The following DDAH1 variants were observed in gnomAD, a reference collection of about 807,000 sequenced individuals.
DDAH1 encodes N(G),N(G)-dimethylarginine dimethylaminohydrolase 1.
DDAH1 carries 19 observed loss-of-function variants against 28.8 expected under a neutral mutation model. That is an observed-to-expected ratio of 0.66 (90% CI 0.46 to 0.97). The LOEUF (loss-of-function observed/expected upper bound fraction) is 0.97. Among genes scored for constraint, DDAH1 ranks in the 50% least tolerant of loss-of-function variants. DDAH1 has a pLI of 0.00. For missense variants in DDAH1, 326 were observed against 375.9 expected, an observed-to-expected ratio of 0.87 and a Z score of 1.10; for synonymous variants, 153 against 154.4, an observed-to-expected ratio of 0.99 and a Z score of 0.07.
At chr1:85,346,968 C>CACTT (rs1258549171) in intron 4 of DDAH1, among the ~76,000 whole-genome samples, 7 of 152,238 alleles carry the variant, frequency 4.6e-5, no homozygotes, top group Admixed American at 1.3e-4. Context: ...TATGAACAGA[C>CACTT]ACTTCTCAAA....
At chr1:85,495,827 T>A (rs1656567941) in intron 2 of DDAH1, 1 of 152,228 alleles carries the variant, frequency 6.6e-6, no homozygotes, top group Non-Finnish European at 1.5e-5. Context: ...CAAGGAGACA[T>A]GCTGAAACCA....
chr1:85,500,248 C>T (rs987878727), intron 1 of DDAH1, among the ~76,000 whole-genome samples: 1 of 144,186 alleles, frequency 6.9e-6, no homozygotes, highest in African/African-American at 2.6e-5. Context: ...TCTTTCCTTC[C>T]TTCCTTTTTT....
intron 1 of DDAH1, among the ~76,000 whole-genome samples, chr1:85,405,210 G>T (rs1173030137): frequency 6.6e-6 from 1 of 151,954 alleles, no homozygotes; most frequent in Non-Finnish European, 1.5e-5. Flanking sequence ...TGGCCACATG[G>T]GTCTATTTAT....
chr1:85,552,641 T>C (rs17127877), intron 1 of DDAH1, among the ~76,000 whole-genome samples: 11,293 of 152,126 alleles, frequency 0.074, 479 homozygotes, highest in East Asian at 0.16. Context: ...AGATGATCTG[T>C]GGGAAGCTTC....
At chr1:85,488,595 G>C (rs1394811934) in intron 2 of DDAH1, among the ~76,000 whole-genome samples, 3 of 152,134 alleles carry the variant, frequency 2.0e-5, no homozygotes, top group South Asian at 2.1e-4. Context: ...TTTCTTAATA[G>C]AGATCTTTCC....
chr1:85,444,110 CT>C (rs1654327802), intron 1 of DDAH1, among the ~76,000 whole-genome samples: 1 of 152,190 alleles, frequency 6.6e-6, no homozygotes, highest in South Asian at 2.1e-4. Flanking sequence ...AAAGGAAATG[CT>C]TCCAGTTTTT....
intron 2 of DDAH1, among the ~76,000 whole-genome samples, chr1:85,478,753 T>C (rs1321137841): frequency 1.3e-5 from 2 of 152,192 alleles, no homozygotes; most frequent in Non-Finnish European, 2.9e-5. Flanking sequence ...GTCTGCCTTA[T>C]TGCAATAGTG....
intron 1 of DDAH1, among the ~76,000 whole-genome samples, chr1:85,414,310 G>A (rs1463619991): frequency 6.6e-6 from 1 of 152,146 alleles, no homozygotes; most frequent in Non-Finnish European, 1.5e-5. Flanking sequence ...AGAAAAAGAA[G>A]GAAATTGGAT....
chr1:85,437,546 A>C (rs1184106069), intron 1 of DDAH1, among the ~76,000 whole-genome samples: 1 of 152,202 alleles, frequency 6.6e-6, no homozygotes, highest in Non-Finnish European at 1.5e-5. Flanking sequence ...TTTGCTTAAT[A>C]ACATTTTCTT....
chr1:85,544,680 G>T (rs906826897), intron 1 of DDAH1, among the ~76,000 whole-genome samples: 1 of 152,126 alleles, frequency 6.6e-6, no homozygotes. Flanking sequence ...ACTCATCAGA[G>T]ACTATAAGAC....
At chr1:85,367,064 T>C (rs994717783) in intron 1 of DDAH1, among the ~76,000 whole-genome samples, 1 of 152,192 alleles carries the variant, frequency 6.6e-6, no homozygotes, top group African/African-American at 2.4e-5. Context: ...ATTCCCTAAG[T>C]TGGACTGAGC....
At chr1:85,493,005 C>T (rs974882762) in intron 2 of DDAH1, among the ~76,000 whole-genome samples, 2 of 151,978 alleles carry the variant, frequency 1.3e-5, no homozygotes, top group Non-Finnish European at 2.9e-5. Context: ...TTTATGGGTC[C>T]TGGAAACTTT....
At chr1:85,363,391 G>A (rs949854818) in intron 1 of DDAH1, among the ~76,000 whole-genome samples, 12 of 152,108 alleles carry the variant, frequency 7.9e-5, no homozygotes, top group Non-Finnish European at 1.8e-4. Flanking sequence ...TATCACCAAT[G>A]TCACCACTAT....
intron 2 of DDAH1, among the ~76,000 whole-genome samples, chr1:85,485,916 C>A (rs1656188070): frequency 6.6e-6 from 1 of 152,120 alleles, no homozygotes; most frequent in Admixed American, 6.6e-5. Flanking sequence ...CCTATTGATA[C>A]AACTGAAGCC....
At chr1:85,496,761 T>A (rs1467532060) in intron 1 of DDAH1, among the ~76,000 whole-genome samples, 1 of 152,236 alleles carries the variant, frequency 6.6e-6, no homozygotes, top group Non-Finnish European at 1.5e-5. Flanking sequence ...TTGAGTCATA[T>A]GAAATTGTCT....
At chr1:85,439,301 T>G (rs189930822) in intron 1 of DDAH1, among the ~76,000 whole-genome samples, 4 of 152,220 alleles carry the variant, frequency 2.6e-5, no homozygotes, top group Non-Finnish European at 5.9e-5. Flanking sequence ...GCTAGAACTG[T>G]GGAAGCTAAA....
At chr1:85,514,031 C>T (rs536280516) in intron 1 of DDAH1, among the ~76,000 whole-genome samples, 5 of 152,216 alleles carry the variant, frequency 3.3e-5, no homozygotes, top group African/African-American at 9.6e-5. Context: ...ATAAAGCATG[C>T]TACTATAAAG....
At chr1:85,481,995 G>A (rs1226247097) in intron 2 of DDAH1, among the ~76,000 whole-genome samples, 1 of 152,298 alleles carries the variant, frequency 6.6e-6, no homozygotes, top group South Asian at 2.1e-4. Flanking sequence ...AAGGGGGTAC[G>A]TCAGTTGCTC....
intron 2 of DDAH1, chr1:85,488,443 G>A (rs985119281): frequency 2.0e-5 from 3 of 151,952 alleles, no homozygotes; most frequent in Non-Finnish European, 4.4e-5. Flanking sequence ...TCTTATAAAG[G>A]CACTAATCAC....
Sources: gnomAD v4.1 joint callset for allele counts (sites outside exome capture counted in the v4.1 genomes callset) on GRCh38, gnomAD v4.1.1 for gene constraint, MANE v1.5 for transcripts, NCBI Gene and HGNC (gene_info 2026-07-23, HGNC 2026-07-21) for gene names.